MYOCD: variants seen among roughly 807,000 people sequenced by gnomAD.
The protein encoded by MYOCD is myocardin.
In MYOCD, 32 loss-of-function variants were observed where a neutral mutation model predicts 96.1. The observed-to-expected ratio is 0.33, with a 90% CI of 0.25 to 0.45. MYOCD has a LOEUF of 0.45. Among genes scored for constraint, MYOCD ranks in the 20% least tolerant of loss-of-function variants. The probability of loss-of-function intolerance (pLI) is 1.00; values close to 1 mark genes in which losing one functional copy is unlikely to be tolerated. For missense variants in MYOCD, 1,133 were observed against 1,200.6 expected, an observed-to-expected ratio of 0.94 and a Z score of 0.83; for synonymous variants, 469 against 469.0, an observed-to-expected ratio of 1.00 and a Z score of 0.00.
intron 1 of MYOCD, among the ~76,000 whole-genome samples, chr17:12,689,315 A>G (rs551477430): frequency 1.3e-5 from 2 of 152,308 alleles, no homozygotes; most frequent in South Asian, 4.1e-4. Flanking sequence ...CTTCTTGGAA[A>G]GAATCCTGAA....
chr17:12,725,194 T>A (rs1485185956), intron 5 of MYOCD, among the ~76,000 whole-genome samples: 3 of 152,002 alleles, frequency 2.0e-5, no homozygotes, highest in Non-Finnish European at 2.9e-5. Flanking sequence ...TCTTAAGTTG[T>A]CCAGGTCTAA....
intron 2 of MYOCD, among the ~76,000 whole-genome samples, chr17:12,708,516 C>G (rs1369689918): frequency 6.6e-6 from 1 of 151,976 alleles, no homozygotes; most frequent in Non-Finnish European, 1.5e-5. Context: ...GCCTCAGCCT[C>G]CGAGTAGCTG....
intron 4 of MYOCD, among the ~76,000 whole-genome samples, chr17:12,721,434 A>G (rs993815189): frequency 6.6e-6 from 1 of 152,224 alleles, no homozygotes. Flanking sequence ...AAAGAGATCT[A>G]TAAGAACAGG....
At chr17:12,688,550 TCTTCCTTCCTTC>T (rs142177842) in intron 1 of MYOCD, among the ~76,000 whole-genome samples, 1 of 99,298 alleles carries the variant, frequency 1.0e-5, no homozygotes, top group Non-Finnish European at 1.9e-5. Context: ...CCTTCCATCT[TCTTCCTTCCTTC>T]CTTCCTTCCA....
intron 9 of MYOCD, among the ~76,000 whole-genome samples, chr17:12,750,464 G>A (rs2032816399): frequency 6.6e-6 from 1 of 152,260 alleles, no homozygotes; most frequent in East Asian, 1.9e-4. Context: ...TGAGGTGAGT[G>A]GATCATCTAA....
At chr17:12,686,532 A>G (rs1219060520) in intron 1 of MYOCD, among the ~76,000 whole-genome samples, 2 of 152,234 alleles carry the variant, frequency 1.3e-5, no homozygotes, top group African/African-American at 4.8e-5. Context: ...AAATTCTGGA[A>G]TTTGGCATCT....
chr17:12,753,463 T>C (rs2032921912), intron 10 of MYOCD, 117 bp downstream of exon 10: 2 of 903,760 alleles, frequency 2.2e-6, no homozygotes, highest in Admixed American at 3.0e-5. Flanking sequence ...ACCAAAAGCA[T>C]AGCAGAATCT....
At chr17:12,700,488 ACTGCAAGCTCTG>A (rs1450440403) in intron 1 of MYOCD, among the ~76,000 whole-genome samples, 2 of 126,842 alleles carry the variant, frequency 1.6e-5, no homozygotes, top group Non-Finnish European at 3.1e-5. Flanking sequence ...ATCTCAGCTT[ACTGCAAGCTCTG>A]CCTCCTGGGT....
At chr17:12,728,010 A>G (rs889028476) in intron 5 of MYOCD, among the ~76,000 whole-genome samples, 27 of 152,326 alleles carry the variant, frequency 1.8e-4, no homozygotes, top group Admixed American at 8.5e-4. Context: ...TCGGGGCTGT[A>G]TCTGAGAGCA....
intron 9 of MYOCD, 91 bp from the exon 10 acceptor site, chr17:12,752,323 T>C: frequency 9.0e-7 from 1 of 1,117,150 alleles, no homozygotes; most frequent in Non-Finnish European, 1.3e-6. Context: ...TAGAATTCCA[T>C]TTGTGATGTT....
intron 9 of MYOCD, among the ~76,000 whole-genome samples, chr17:12,746,728 T>C (rs2032674956): frequency 6.7e-5 from 1 of 15,034 alleles, no homozygotes; most frequent in Non-Finnish European, 1.7e-4. Context: ...GGTGCCTACC[T>C]TTTTTTTTTT....
intron 1 of MYOCD, among the ~76,000 whole-genome samples, chr17:12,675,856 CTCAA>C (rs373008700): frequency 1.4e-4 from 21 of 152,246 alleles, no homozygotes; most frequent in South Asian, 4.2e-4. Flanking sequence ...AAGACTCCGT[CTCAA>C]TCAATCAATC....
intron 1 of MYOCD, among the ~76,000 whole-genome samples, chr17:12,694,527 T>A (rs2030641895): frequency 6.6e-6 from 1 of 152,120 alleles, no homozygotes; most frequent in Non-Finnish European, 1.5e-5. Flanking sequence ...CCACTCCCTT[T>A]AGAGTTAGAC....
At chr17:12,676,225 C>A (rs1441864559) in intron 1 of MYOCD, among the ~76,000 whole-genome samples, 1 of 143,874 alleles carries the variant, frequency 7.0e-6, no homozygotes, top group South Asian at 2.2e-4. Flanking sequence ...AGACTTAGCA[C>A]CCTCCCCCTG....
At chr17:12,700,564 C>T (rs886064620) in intron 1 of MYOCD, among the ~76,000 whole-genome samples, 1 of 151,544 alleles carries the variant, frequency 6.6e-6, no homozygotes, top group Non-Finnish European at 1.5e-5. Context: ...CAGGCACCCC[C>T]CACCACACCC....
Position 12,763,220 on chromosome 17 carries a change from C to G in MYOCD, c.2537C>G (p.Pro846Arg), listed in dbSNP as rs1471633967. 1 of 1,614,086 alleles carries G rather than the reference C, an allele frequency of 6.2e-7. No homozygotes were observed. Among genetic ancestry groups the G allele is most frequent in the Admixed American group, 1.7e-5 (1 of 59,996 alleles). ...ASSGSQIPFD[P>R]YATDSDEHLE... is the part of the protein sequence containing the mutation. ...TCAGGCAGCCAGATCCCCTTTGATC[C>G]CTATGCCACCGACAGTGATGAGCAT... The change falls in exon 14 of 14, where the codon CCC becomes CGC. Residue 846 changes from proline to arginine, a missense_variant. Coordinates refer to ENST00000425538, the MANE Select transcript of MYOCD (RefSeq NM_001146312.3).
intron 1 of MYOCD, among the ~76,000 whole-genome samples, chr17:12,684,814 C>G (rs1330793488): frequency 6.7e-6 from 1 of 149,922 alleles, no homozygotes; most frequent in African/African-American, 2.5e-5. Flanking sequence ...CCACTGCACT[C>G]CAGCTGGGGA....
At chr17:12,744,459 G>T in intron 8 of MYOCD, 23 bp downstream of exon 8, 1 of 1,583,232 alleles carries the variant, frequency 6.3e-7, no homozygotes, top group Non-Finnish European at 8.6e-7. Context: ...AGGCTGGGAG[G>T]GTGGCTGTGG....
chr17:12,698,521 C>A (rs1268026578), intron 1 of MYOCD, among the ~76,000 whole-genome samples: 3 of 152,058 alleles, frequency 2.0e-5, no homozygotes, highest in African/African-American at 7.2e-5. Flanking sequence ...CCACTGTATG[C>A]CAACAGCAAG....
Sources: gnomAD v4.1 joint callset for allele counts (sites outside exome capture counted in the v4.1 genomes callset) on GRCh38, gnomAD v4.1.1 for gene constraint, MANE v1.5 for transcripts, NCBI Gene and HGNC (gene_info 2026-07-23, HGNC 2026-07-21) for gene names.